DMD: variants seen among roughly 807,000 people sequenced by gnomAD.
The protein encoded by DMD is dystrophin, also known as mutant dystrophin.
In DMD, 63 loss-of-function variants were observed where a neutral mutation model predicts 330.1. That is an observed-to-expected ratio of 0.19 (90% CI 0.16 to 0.24). The LOEUF (loss-of-function observed/expected upper bound fraction) is 0.24. Ranked by LOEUF, DMD falls within the 10% of genes least tolerant of loss-of-function variation. The pLI is 1.00. For synonymous variants in DMD, 1,223 were observed against 959.8 expected (o/e 1.27, Z -5.07); for missense variants, 3,344 against 2,684.1 (o/e 1.25, Z -5.43).
intron 1 of DMD, among the ~76,000 whole-genome samples, chrX:33,253,701 G>T (rs1019516653): frequency 9.0e-6 from 1 of 110,819 alleles, no homozygotes; most frequent in Non-Finnish European, 1.9e-5. Context: ...ATGGCCTCTC[G>T]ATATTTTACA....
At position 31,686,139 on chromosome X, in the gene DMD, G is replaced by A. The variant is rs777660227; in HGVS notation, c.7661-6553C>T. Among the ~76,000 whole-genome samples, 13 of 111,776 alleles carry A rather than the reference G, an allele frequency of 1.2e-4. No homozygotes were observed. In the South Asian group the frequency reaches 1.5e-3, roughly 13 times the overall value. Reference sequence around the variant, plus strand: ...TAAAAAAATCCTTCTCTGGCAAAGCGGAAGAAGCTAGAAAATAAAAATAAA... The same window carrying A: ...TAAAAAAATCCTTCTCTGGCAAAGCAGAAGAAGCTAGAAAATAAAAATAAA... On this transcript the variant is annotated intron_variant, in intron 52 of 78. Transcript: ENST00000357033.
At chrX:33,229,070 G>A (rs1238159256) in intron 1 of DMD, among the ~76,000 whole-genome samples, 1 of 110,218 alleles carries the variant, frequency 9.1e-6, no homozygotes, top group Non-Finnish European at 1.9e-5. Context: ...TTTATTTTTG[G>A]ATTTTTGCTT....
chrX:32,715,469 C>CAAAAAAAA lies in DMD; in HGVS notation c.650-16184_650-16177dup, dbSNP rs61325834. 6.3e-3 allele frequency among the ~76,000 whole-genome samples: 108 copies of CAAAAAAAA among 17,224 alleles called. 3 individuals are homozygous for CAAAAAAAA. Among genetic ancestry groups the CAAAAAAAA allele is most frequent in the Non-Finnish European group, 0.012 (99 of 8,365 alleles). The allele number at this position is 17,224 out of a possible 115,157, so 15.0% of individuals were successfully genotyped here. On this transcript the variant is annotated intron_variant, in intron 7 of 78. Coordinates refer to ENST00000357033, the MANE Select transcript of DMD (RefSeq NM_004006.3). ...ATCAGCCTGGTGACAGAGATTCCAT[C>CAAAAAAAA]AAAAAAAAAAAAAAAAAAAAAAAAA...
At chrX:32,530,179 A>G (rs1202020673) in intron 17 of DMD, among the ~76,000 whole-genome samples, 1 of 112,384 alleles carries the variant, frequency 8.9e-6, no homozygotes, top group African/African-American at 3.2e-5. Context: ...CAATTATGGC[A>G]TACCGAATTA....
intron 74 of DMD, among the ~76,000 whole-genome samples, chrX:31,148,887 T>C (rs1283859270): frequency 8.9e-6 from 1 of 112,091 alleles, no homozygotes; most frequent in Non-Finnish European, 1.9e-5. Flanking sequence ...AACCTTTGGA[T>C]ATGTTCTAGA....
At chrX:32,347,765 G>A (rs1338504129) in intron 38 of DMD, among the ~76,000 whole-genome samples, 1 of 111,657 alleles carries the variant, frequency 9.0e-6, no homozygotes, top group African/African-American at 3.2e-5. Context: ...CAGTTAATAA[G>A]GATGTGATGT....
chrX:32,566,183 C>T (rs747550701), intron 15 of DMD, among the ~76,000 whole-genome samples: 4 of 111,761 alleles, frequency 3.6e-5, no homozygotes, highest in Non-Finnish European at 7.5e-5. Flanking sequence ...GGTAATATTG[C>T]TTCAAAAGGC....
intron 13 of DMD, among the ~76,000 whole-genome samples, chrX:32,587,899 A>C (rs1426910406): frequency 9.0e-6 from 1 of 111,570 alleles, no homozygotes; most frequent in African/African-American, 3.3e-5. Flanking sequence ...CAGATATCTG[A>C]TAATGTAGGT....
intron 2 of DMD, among the ~76,000 whole-genome samples, chrX:32,852,952 G>C (rs1010082302): frequency 9.0e-6 from 1 of 111,689 alleles, no homozygotes; most frequent in Non-Finnish European, 1.9e-5. Context: ...AAAAGTCAAG[G>C]ATAAAGACAG....
At chrX:31,303,532 A>G (rs909368905) in intron 62 of DMD, among the ~76,000 whole-genome samples, 1 of 111,367 alleles carries the variant, frequency 9.0e-6, no homozygotes, top group African/African-American at 3.3e-5. Flanking sequence ...TATGATATCT[A>G]TCCTCAAATC....
At chrX:33,302,614 A>G (rs1434645495) in intron 1 of DMD, among the ~76,000 whole-genome samples, 1 of 110,781 alleles carries the variant, frequency 9.0e-6, no homozygotes, top group Non-Finnish European at 1.9e-5. Flanking sequence ...AAAGAACTTA[A>G]TTTTTCTAGA....
chrX:32,807,122 TAAAAAAA>T (rs999286386), intron 7 of DMD, among the ~76,000 whole-genome samples: 5 of 20,742 alleles, frequency 2.4e-4, no homozygotes, highest in African/African-American at 1.1e-3. Context: ...CGGAAACATT[TAAAAAAA>T]AAAAAAAAAA....
intron 51 of DMD, among the ~76,000 whole-genome samples, chrX:31,753,731 A>C (rs1346723710): frequency 8.9e-6 from 1 of 111,984 alleles, no homozygotes; most frequent in Non-Finnish European, 1.9e-5. Flanking sequence ...GTAATAAATC[A>C]CCATATTTTC....
chrX:31,752,133 T>C (rs1339764860), intron 51 of DMD, among the ~76,000 whole-genome samples: 2 of 111,978 alleles, frequency 1.8e-5, no homozygotes, highest in African/African-American at 6.5e-5. Flanking sequence ...CCAGGCTATC[T>C]CTCCGTGTCA....
intron 74 of DMD, among the ~76,000 whole-genome samples, chrX:31,157,430 G>T (rs2038271619): frequency 8.9e-6 from 1 of 111,855 alleles, no homozygotes; most frequent in South Asian, 3.8e-4. Flanking sequence ...GACAAAAATG[G>T]CAGTGGCTGG....
At chrX:31,507,948 C>T (rs1317722720) in intron 55 of DMD, among the ~76,000 whole-genome samples, 6 of 111,934 alleles carry the variant, frequency 5.4e-5, no homozygotes, top group Non-Finnish European at 1.1e-4. Context: ...CCCACAGCAC[C>T]AGCACATTCC....
intron 52 of DMD, among the ~76,000 whole-genome samples, chrX:31,723,623 AACAC>A (rs55718177): frequency 0.034 from 2,634 of 77,551 alleles, 105 homozygotes; most frequent in African/African-American, 0.11. Context: ...TATCCTCCAC[AACAC>A]ACACACACAC....
chrX:32,160,425 G>C lies in DMD; in HGVS notation c.6438+56491C>G, dbSNP rs993695719. Among the ~76,000 whole-genome samples the C allele has an allele frequency of 1.8e-5, 2 of 109,648 alleles. 1 individual carries two copies. Among genetic ancestry groups the C allele is most frequent in the South Asian group, 8.0e-4 (2 of 2,493 alleles). On this transcript the variant is annotated intron_variant, in intron 44 of 78. Coordinates refer to ENST00000357033, the MANE Select transcript of DMD (RefSeq NM_004006.3). ...ATTTTTGTATTTTTAGTAGAGATGG[G>C]GGTTTTACCACGTTGGCCAGGCTGG...
At chrX:32,707,964 A>G (rs1487281047) in intron 7 of DMD, among the ~76,000 whole-genome samples, 2 of 112,030 alleles carry the variant, frequency 1.8e-5, no homozygotes, top group East Asian at 5.6e-4. Context: ...TTTGCTTTTG[A>G]CCTAACCAAA....
Sources: allele counts gnomAD v4.1 joint callset (sites outside exome capture counted in the v4.1 genomes callset), GRCh38; gene constraint gnomAD v4.1.1; transcripts MANE v1.5; gene names NCBI Gene and HGNC (gene_info 2026-07-23, HGNC 2026-07-21).